HTT: variants seen among roughly 807,000 people sequenced by gnomAD.
HTT encodes the protein huntingtin, also known as huntington disease protein.
In HTT, 104 loss-of-function variants were observed where a neutral mutation model predicts 362.3. The observed-to-expected ratio is 0.29, with a 90% CI of 0.24 to 0.34. The LOEUF (loss-of-function observed/expected upper bound fraction) is 0.34, where lower values mean the gene tolerates loss of function less well. Ranked by LOEUF, HTT falls within the 10% of genes least tolerant of loss-of-function variation. The pLI, the probability that HTT is intolerant of heterozygous loss-of-function variation, is 1.00. For missense variants in HTT, 3,301 were observed against 3,928.6 expected (o/e 0.84, Z 4.27); for synonymous variants, 1,577 against 1,548.7 (o/e 1.02, Z -0.43).
At chr4:3,089,213 G>A (rs746810441) in intron 2 of HTT, among the ~76,000 whole-genome samples, 3 of 151,916 alleles carry the variant, frequency 2.0e-5, no homozygotes, top group Admixed American at 1.3e-4. Flanking sequence ...AGCGGGAAGC[G>A]TATCCCATTG....
chr4:3,174,370 A>G (rs952977513), intron 31 of HTT, among the ~76,000 whole-genome samples: 7 of 152,228 alleles, frequency 4.6e-5, no homozygotes, highest in African/African-American at 1.7e-4. Context: ...AAAATCATGT[A>G]ATTTCTTCTA....
At chr4:3,136,457 A>G (rs1426420124) in intron 21 of HTT, 131 bp downstream of exon 21, 7 of 467,344 alleles carry the variant, frequency 1.5e-5, no homozygotes, top group Admixed American at 1.2e-4. Context: ...CAGCCATTCT[A>G]TTCTTAAACT....
At chr4:3,234,209 G>A (rs1360433157) in intron 61 of HTT, among the ~76,000 whole-genome samples, 2 of 152,248 alleles carry the variant, frequency 1.3e-5, no homozygotes, top group African/African-American at 4.8e-5. Flanking sequence ...GTGAGCCAGG[G>A]CACATGCCGG....
chr4:3,187,652 C>T lies in HTT; in HGVS notation c.4991C>T (p.Ala1664Val), dbSNP rs368118407. ...RSMFVTPNTM[A>V]SVSTVQLWIS... ...ACTTATGTATTATGTTTATTTTAGG[C>T]GTCCGTGAGCACTGTTCAACTGTGG... The change falls in exon 39 of 67, where the codon GCG (alanine) becomes GTG (valine). Residue 1664 changes from alanine to valine, a missense_variant and splice_region_variant. Transcript: ENST00000355072. 2.3e-5 allele frequency: 37 copies of T among 1,608,732 alleles called. No individual in the cohort carries two copies. In the East Asian group the frequency reaches 3.8e-4, roughly 16 times the overall value.
chr4:3,136,410 A>G, intron 21 of HTT, 84 bp downstream of exon 21: 1 of 692,122 alleles, frequency 1.4e-6, no homozygotes, highest in Non-Finnish European at 2.6e-6. Flanking sequence ...AAGAATTCAA[A>G]GGATGTAGAG....
Position 3,134,424 on chromosome 4 carries a change from C to T in HTT, c.2517C>T (p.Ser839=), listed in dbSNP as rs201808770. The part of the protein sequence containing the change: ...AVRNCVMSLC[S]SSYSELGLQL... ...AGAACTGTGTCATGAGTCTCTGCAG[C>T]AGCAGCTACAGTGAGTTAGGACTGC... is the stretch of plus-strand genomic sequence containing the variant. Residue 839 remains serine (S), a synonymous_variant, in exon 19 of 67, where the codon AGC becomes AGT. Transcript: ENST00000355072. 1.8e-4 allele frequency: 290 copies of T among 1,614,000 alleles called. 5 individuals carry two copies. The South Asian group carries it at 3.0e-3, about 17-fold the overall frequency.
rs1181727696 is a variant in HTT, at chr4:3,182,376, T to C, written c.4772T>C (p.Val1591Ala). 6.2e-7 allele frequency: 1 copy of C among 1,613,708 alleles called. No homozygotes were observed. Among genetic ancestry groups the C allele is most frequent in the Non-Finnish European group, 8.5e-7 (1 of 1,179,612 alleles). Residue 1591 changes from valine (V) to alanine (A), a missense_variant, in exon 37 of 67, where the codon GTC becomes GCC. Physicochemically the swap from Val to Ala is moderately conservative, Grantham distance 64. Transcript: ENST00000355072. ...TAGGTGTTGGAGATGTTCATTCTTG[T>C]CCTGCAGCAGTGCCACAAGGAGAAT... ...YHQVLEMFIL[V>A]LQQCHKENED...
chr4:3,174,565 G>A (rs1718143866), intron 31 of HTT, among the ~76,000 whole-genome samples, 156 bp from the exon 32 acceptor site: 1 of 152,226 alleles, frequency 6.6e-6, no homozygotes, highest in Admixed American at 6.5e-5. Context: ...AGAGGGCGAT[G>A]CTGCCACACT....
At position 3,173,000 on chromosome 4, in the gene HTT, T is replaced by C. The variant is rs1718063574; in HGVS notation, c.4035T>C (p.Leu1345=). The C allele has an allele frequency of 6.2e-7, 1 of 1,614,082 alleles. No individual in the cohort carries two copies. The highest frequency in any genetic ancestry group is 1.3e-5 in the African/African-American group (1 of 74,938). ...PSKSQGRAQR[L]GSSSVRPGLY... Reference sequence around the variant, plus strand: ...AGTCACAAGGCCGAGCACAGCGCCTTGGCTCCTCCAGTGTGAGGCCAGGCT... The same window carrying C: ...AGTCACAAGGCCGAGCACAGCGCCTCGGCTCCTCCAGTGTGAGGCCAGGCT... Residue 1345 remains leucine (L), a synonymous_variant, in exon 31 of 67, where the codon CTT becomes CTC. Transcript: ENST00000355072.
chr4:3,209,948 C>G lies in HTT; in HGVS notation c.6413C>G (p.Ser2138Trp). The change falls in exon 47 of 67, where the codon TCG (serine) becomes TGG (tryptophan). Residue 2138 changes from serine to tryptophan, a missense_variant and splice_region_variant. Physicochemically the swap from Ser to Trp is radical, Grantham distance 177 (BLOSUM62 -3). This residue lies in a region of HTT where 2,316 missense variants were observed against 2,658.5 expected (regional missense o/e 0.87). Coordinates refer to ENST00000355072, the MANE Select transcript of HTT (RefSeq NM_001388492.1). The part of the protein sequence containing the change: ...AEDMNAFMMN[S>W]EFNLSLLAPC... ...GATATGAATGCCTTCATGATGAACTCGGTACGGGGGGAGCAGTGGAGGCAA... is the reference window on the plus strand; with the variant it reads ...GATATGAATGCCTTCATGATGAACTGGGTACGGGGGGAGCAGTGGAGGCAA... 6.2e-7 allele frequency: 1 copy of G among 1,613,654 alleles called. No individual in the cohort carries two copies. Among genetic ancestry groups the G allele is most frequent in the Non-Finnish European group, 8.5e-7 (1 of 1,179,748 alleles).
At position 3,220,442 on chromosome 4, in the gene HTT, G is replaced by T. The variant is rs77398516; in HGVS notation, c.7369+134G>T. 2.4e-3 allele frequency: 2,231 copies of T among 919,698 alleles called. 37 individuals carry two copies. In the African/African-American group the frequency reaches 0.033, roughly 14 times the overall value. The allele number at this position is 919,698 out of a possible 1,614,324, so 57.0% of individuals were successfully genotyped here. A position where few individuals can be genotyped will look rare whatever the true frequency, so the allele number is the denominator to read the frequency against. ...GCATGATAATAATACAAACCTATGT[G>T]AATACATTTTGCAGTGTTGGCAAAA... On this transcript the variant is annotated intron_variant, in intron 53 of 66. Coordinates refer to ENST00000355072, the MANE Select transcript of HTT (RefSeq NM_001388492.1).
At chr4:3,153,167 A>C (rs773669837) in intron 26 of HTT, among the ~76,000 whole-genome samples, 35 of 152,136 alleles carry the variant, frequency 2.3e-4, no homozygotes, top group Non-Finnish European at 4.3e-4. Flanking sequence ...CCTTGCCCTC[A>C]TGTGGTGAGG....
intron 2 of HTT, among the ~76,000 whole-genome samples, chr4:3,092,710 A>C (rs1232422983): frequency 2.0e-5 from 3 of 152,254 alleles, no homozygotes; most frequent in African/African-American, 2.4e-5. Context: ...TGACTGGAAA[A>C]TATATTAACA....
chr4:3,097,095 G>T (rs183797541), intron 2 of HTT, among the ~76,000 whole-genome samples: 1 of 152,210 alleles, frequency 6.6e-6, no homozygotes, highest in African/African-American at 2.4e-5. Flanking sequence ...TTCCATCCTG[G>T]GCAACAGAAT....
intron 38 of HTT, 120 bp downstream of exon 38, chr4:3,186,839 T>TG: frequency 1.9e-5 from 2 of 105,838 alleles, no homozygotes; most frequent in South Asian, 2.7e-4. Context: ...GAGAGTTTGC[T>TG]TTTTTTTTTT....
At position 3,212,569 on chromosome 4, in the gene HTT, G is replaced by T; in HGVS notation, c.6634G>T (p.Ala2212Ser). The change falls in exon 49 of 67, where the codon GCT (alanine) becomes TCT (serine). Residue 2212 changes from alanine to serine, a missense_variant. By Grantham distance (99) the Ala-to-Ser change is moderately conservative (BLOSUM62 1). Transcript: ENST00000355072. ...WSKLNDLFGD[A>S]ALYQSLPTLA... ...ACGAGGTCCTTCTGTTTCAGGGGAT[G>T]CTGCACTGTATCAGTCCCTGCCCAC... 6.2e-7 allele frequency: 1 copy of T among 1,614,246 alleles called. No individual in the cohort carries two copies. The highest frequency in any genetic ancestry group is 1.3e-5 in the African/African-American group (1 of 75,068).
intron 60 of HTT, among the ~76,000 whole-genome samples, chr4:3,230,285 G>T (rs182314138): frequency 6.6e-6 from 1 of 152,296 alleles, no homozygotes; most frequent in African/African-American, 2.4e-5. Flanking sequence ...TTGGGGTCCC[G>T]TATCCCTGGG....
chr4:3,094,704 G>A (rs1193030102), intron 2 of HTT, among the ~76,000 whole-genome samples: 1 of 129,068 alleles, frequency 7.7e-6, no homozygotes, highest in African/African-American at 3.6e-5. Flanking sequence ...GGCTGGCCGG[G>A]CGGGGGCTGC....
At chr4:3,140,369 C>T (rs573164741) in intron 21 of HTT, 141 bp from the exon 22 acceptor site, 39 of 652,340 alleles carry the variant, frequency 6.0e-5, no homozygotes, top group Non-Finnish European at 7.9e-5. Flanking sequence ...GCTTGAAGAA[C>T]GCCACCTGAG....
Sources: gnomAD v4.1 joint callset for allele counts (sites outside exome capture counted in the v4.1 genomes callset) on GRCh38, gnomAD v4.1.1 for gene constraint, gnomAD v4.1.1 regional missense constraint, MANE v1.5 for transcripts, NCBI Gene and HGNC (gene_info 2026-07-23, HGNC 2026-07-21) for gene names.